COL1A1: variants seen among roughly 807,000 people sequenced by gnomAD.
COL1A1 encodes the protein collagen alpha-1(I) chain.
In COL1A1, 21 loss-of-function variants were observed where a neutral mutation model predicts 195.7. That is an observed-to-expected ratio of 0.11 (90% CI 0.08 to 0.15). The LOEUF is 0.15. COL1A1 is among the 10% of genes least tolerant of loss of function. COL1A1 has a pLI of 1.00. For missense variants in COL1A1, 1,365 were observed against 2,051.0 expected (o/e 0.67, Z 6.46); for synonymous variants, 749 against 747.3 (o/e 1.00, Z -0.04).
At chr17:50,193,852 C>T (rs1907319382) in intron 25 of COL1A1, 91 bp downstream of exon 25, 1 of 1,159,840 alleles carries the variant, frequency 8.6e-7, no homozygotes, top group South Asian at 1.2e-5. Context: ...CACGGCAGGT[C>T]AGCGGCACAG....
At position 50,193,272 on chromosome 17, in the gene COL1A1, G is replaced by A. The variant is rs367886572; in HGVS notation, c.1768-225C>T. 1.8e-4 allele frequency among the ~76,000 whole-genome samples: 28 copies of A among 152,168 alleles called. No individual in the cohort carries two copies. The East Asian group carries it at 2.1e-3, about 12-fold the overall frequency. Reference sequence around the variant, plus strand: ...TCTGCCTTTTCCCTGTTAGATGCCCGCTGTGGCCTGCACTGCAAAGGGCTT... The same window carrying A: ...TCTGCCTTTTCCCTGTTAGATGCCCACTGTGGCCTGCACTGCAAAGGGCTT... On this transcript the variant is annotated intron_variant, in intron 25 of 50. Transcript: ENST00000225964.
In COL1A1 at chr17:50,199,762, C is replaced by T. The variant is rs780190493; in HGVS notation, c.289G>A (p.Asp97Asn). ...PEGECCPVCP[D>N]GSESPTDQET... Reference sequence around the variant, plus strand: ...CCGAGCGCAGCCGCACCTGAGCCGTCGGGGCAGACGGGACAGCACTCGCCC... The same window carrying T: ...CCGAGCGCAGCCGCACCTGAGCCGTTGGGGCAGACGGGACAGCACTCGCCC... The change falls in exon 2 of 51, where the codon GAC (aspartate) becomes AAC (asparagine). Residue 97 changes from aspartate to asparagine, a missense_variant. Asp to Asn is a conservative substitution (Grantham distance 23, BLOSUM62 1). This residue lies in a region of COL1A1 where 194 missense variants were observed against 221.7 expected (regional missense o/e 0.88). Coordinates refer to ENST00000225964, the MANE Select transcript of COL1A1 (RefSeq NM_000088.4). 6.2e-7 allele frequency: 1 copy of T among 1,612,622 alleles called. No homozygotes were observed. The highest frequency in any genetic ancestry group is 1.7e-5 in the Admixed American group (1 of 60,028).
chr17:50,187,990 GA>G lies in COL1A1; in HGVS notation c.3262-8del, dbSNP rs1567754113. The G allele has an allele frequency of 6.2e-7, 1 of 1,614,064 alleles. No homozygotes were observed. The highest frequency in any genetic ancestry group is 1.3e-5 in the African/African-American group (1 of 75,052). ...CACGGGGGCCTTGGGGTCCCTAGAA[GA>G]GAGAAAGGGACAAACTGTCAGGCGG... On this transcript the variant is annotated splice_region_variant and splice_polypyrimidine_tract_variant and intron_variant, in intron 44 of 50. Transcript: ENST00000225964.
chr17:50,201,530 T>G lies in COL1A1; in HGVS notation c.-17A>C. 1.2e-6 allele frequency: 2 copies of G among 1,604,244 alleles called. No individual in the cohort carries two copies. The highest frequency in any genetic ancestry group is 1.7e-6 in the Non-Finnish European group (2 of 1,176,332). ...GCTGAACATGTCTAGACCCTAGACA[T>G]GTAGACTCTTTGTGGCTGGGGAGGG... On this transcript the variant is annotated 5_prime_UTR_variant, in exon 1 of 51. An upstream start codon of the reference 5' UTR is lost. Coordinates refer to ENST00000225964, the MANE Select transcript of COL1A1 (RefSeq NM_000088.4).
At position 50,189,300 on chromosome 17, in the gene COL1A1, G is replaced by A. The variant is rs748478476; in HGVS notation, c.2830-25C>T. 3.7e-6 allele frequency: 6 copies of A among 1,613,840 alleles called. No individual in the cohort carries two copies. Among genetic ancestry groups the A allele is most frequent in the Non-Finnish European group, 5.1e-6 (6 of 1,179,876 alleles). On this transcript the variant is annotated intron_variant, in intron 39 of 50. Transcript: ENST00000225964. This position sits in a 1 kb window ranked among gnomAD's most constrained non-coding sequence, Gnocchi z 5.5. ...CCTTTGGGAGGCAAACAGGGGTGAGGTGCCAGAGAGCAGCACAGGGACCCC... is the reference window on the plus strand; with the variant it reads ...CCTTTGGGAGGCAAACAGGGGTGAGATGCCAGAGAGCAGCACAGGGACCCC...
Position 50,187,844 on chromosome 17 carries a change from A to T in COL1A1, c.3369+32T>A, listed in dbSNP as rs773668904. ...TCCCCCTCCTATCCCACAGCACAGC[A>T]TGGGGACTGGGGAGGGGCTGAGCAT... On this transcript the variant is annotated intron_variant, in intron 45 of 50. Transcript: ENST00000225964. 9.1e-6 allele frequency: 14 copies of T among 1,541,190 alleles called. No individual in the cohort carries two copies. The South Asian group carries it at 1.7e-4, about 19-fold the overall frequency.
At chr17:50,192,204 C>A in intron 29 of COL1A1, 180 bp from the exon 30 acceptor site, 1 of 751,578 alleles carries the variant, frequency 1.3e-6, no homozygotes, top group East Asian at 2.7e-5. Context: ...TCAAAGGCTT[C>A]CCCCCTCCCC....
In COL1A1 at chr17:50,195,140, C is replaced by G. The variant is rs200164061; in HGVS notation, c.1300-40G>C. On this transcript the variant is annotated intron_variant, in intron 19 of 50. Coordinates refer to ENST00000225964, the MANE Select transcript of COL1A1 (RefSeq NM_000088.4). The surrounding 1 kb of genome is among the most constrained non-coding windows in gnomAD (Gnocchi z 4.3). Reference sequence around the variant, plus strand: ...AAGAGGATGAGCTGAGAGTCGGGGGCGCTCAGTTGGCCTGCGTCTTCCTGC... The same window carrying G: ...AAGAGGATGAGCTGAGAGTCGGGGGGGCTCAGTTGGCCTGCGTCTTCCTGC... 3.1e-6 allele frequency: 5 copies of G among 1,611,030 alleles called. No individual in the cohort carries two copies. In the Admixed American group the frequency reaches 8.3e-5, roughly 27 times the overall value.
At chr17:50,191,073 A>T in intron 32 of COL1A1, 149 bp from the exon 33 acceptor site, 1 of 825,794 alleles carries the variant, frequency 1.2e-6, no homozygotes, top group Non-Finnish European at 2.0e-6. Context: ...TTCAGGAAAA[A>T]GGGTGCCTGC....
Position 50,188,415 on chromosome 17 carries a change from A to C in COL1A1, c.3207+115T>G. On this transcript the variant is annotated intron_variant, in intron 43 of 50. Coordinates refer to ENST00000225964, the MANE Select transcript of COL1A1 (RefSeq NM_000088.4). The surrounding 1 kb of genome is among the most constrained non-coding windows in gnomAD (Gnocchi z 5.6). ...GATTAAGGCCCTGACATCTTGCAGGATCTCCTTTCCTCCCCCTGCCTGGGT... is the reference window on the plus strand; with the variant it reads ...GATTAAGGCCCTGACATCTTGCAGGCTCTCCTTTCCTCCCCCTGCCTGGGT... 13 of 1,100,274 alleles carry C rather than the reference A, an allele frequency of 1.2e-5. No homozygotes were observed. The highest frequency in any genetic ancestry group is 1.7e-5 in the Non-Finnish European group (12 of 725,504). The allele number at this position is 1,100,274 out of a possible 1,614,324, so 68.2% of individuals were successfully genotyped here.
rs773740614 is a variant in COL1A1, at chr17:50,193,930, A to G, written c.1767+13T>C. Reference sequence around the variant, plus strand: ...TGTCCCTGGCTCTTCATGGATCCTCACTTAATACTCACAGCAGCACCTTTA... The same window carrying G: ...TGTCCCTGGCTCTTCATGGATCCTCGCTTAATACTCACAGCAGCACCTTTA... On this transcript the variant is annotated intron_variant, in intron 25 of 50. Coordinates refer to ENST00000225964, the MANE Select transcript of COL1A1 (RefSeq NM_000088.4). The G allele has an allele frequency of 6.2e-7, 1 of 1,611,624 alleles. No individual in the cohort carries two copies. The highest frequency in any genetic ancestry group is 8.5e-7 in the Non-Finnish European group (1 of 1,177,774).
chr17:50,200,857 G>A (rs1228304610), intron 1 of COL1A1, among the ~76,000 whole-genome samples: 1 of 152,166 alleles, frequency 6.6e-6, no homozygotes, highest in Non-Finnish European at 1.5e-5. Context: ...GTTGGACCGG[G>A]AGACGCAGTG....
intron 9 of COL1A1, 51 bp from the exon 10 acceptor site, chr17:50,197,284 A>G (rs757060525): frequency 6.9e-6 from 11 of 1,587,124 alleles, no homozygotes; most frequent in African/African-American, 1.3e-5. Flanking sequence ...ACCACCGCCT[A>G]GGGGCTGGAA....
chr17:50,196,136 G>A lies in COL1A1; in HGVS notation c.1002+19C>T. The A allele has an allele frequency of 3.1e-6, 5 of 1,613,908 alleles. No homozygotes were observed. The highest frequency in any genetic ancestry group is 4.2e-6 in the Non-Finnish European group (5 of 1,179,866). On this transcript the variant is annotated intron_variant, in intron 15 of 50. Transcript: ENST00000225964. ...CCCCTCCCCACTCCCAGGCCCTGAG[G>A]CCTACAGGCCACACTCACAGGGGGC...
Position 50,194,824 on chromosome 17 carries a change from G to A in COL1A1, c.1358C>T (p.Pro453Leu). 6.4e-7 allele frequency: 1 copy of A among 1,568,908 alleles called. No homozygotes were observed. The highest frequency in any genetic ancestry group is 1.4e-5 in the African/African-American group (1 of 73,686). ...GCCAGGGGGTCCTTGAACACCAACA[G>A]GGCCCTGGAGAGGGCCGAGAGGAGG... ...GDTGAKGEPG[P>L]VGVQGPPGPA... is the part of the protein sequence containing the mutation. The change falls in exon 21 of 51, where the codon CCT becomes CTT. Residue 453 changes from proline (P) to leucine (L), a missense_variant. Pro to Leu is a moderately conservative substitution (Grantham distance 98). This residue lies in a region of COL1A1 where 671 missense variants were observed against 1,099.9 expected (regional missense o/e 0.61). Coordinates refer to ENST00000225964, the MANE Select transcript of COL1A1 (RefSeq NM_000088.4). This position sits in a 1 kb window ranked among gnomAD's most constrained non-coding sequence, Gnocchi z 6.8.
In COL1A1 at chr17:50,193,003, A is replaced by G. The variant is rs151328660; in HGVS notation, c.1812T>C (p.Pro604=). 3.2e-5 allele frequency: 52 copies of G among 1,614,134 alleles called. No homozygotes were observed. The African/African-American group carries it at 6.8e-4, about 21-fold the overall frequency. Residue 604 remains proline, a synonymous_variant, in exon 26 of 51, where the codon CCT becomes CCC. Coordinates refer to ENST00000225964, the MANE Select transcript of COL1A1 (RefSeq NM_000088.4). ...GAAAGGAGATACTTACGACAGCGCC[A>G]GGGGGTCCGGGAACACCTCGCTCTC... ...KAGERGVPGP[P]GAVGPAGKDG...
chr17:50,193,260 T>G (rs1907260559), intron 25 of COL1A1, among the ~76,000 whole-genome samples: 1 of 152,200 alleles, frequency 6.6e-6, no homozygotes, highest in Non-Finnish European at 1.5e-5. Context: ...GCCTTTTCCC[T>G]GTTAGATGCC....
intron 6 of COL1A1, 104 bp from the exon 7 acceptor site, chr17:50,198,309 T>C: frequency 6.4e-7 from 1 of 1,557,716 alleles, no homozygotes; most frequent in East Asian, 2.2e-5. Flanking sequence ...CCTGCATCCT[T>C]TCTGGACTCT....
chr17:50,191,934 C>G, intron 30 of COL1A1, 46 bp downstream of exon 30: 1 of 1,609,578 alleles, frequency 6.2e-7, no homozygotes, highest in Non-Finnish European at 8.5e-7. Context: ...GAGATAGGGC[C>G]AAGTACGACG....
Sources: allele counts gnomAD v4.1 joint callset (sites outside exome capture counted in the v4.1 genomes callset), GRCh38; gene constraint gnomAD v4.1.1; regional missense constraint gnomAD v4.1.1; non-coding constraint Gnocchi (gnomAD v3.1); transcripts MANE v1.5; gene names NCBI Gene and HGNC (gene_info 2026-07-23, HGNC 2026-07-21).